The following KMT2A variants were observed in gnomAD, a reference collection of about 807,000 sequenced individuals.
KMT2A encodes the protein histone-lysine N-methyltransferase 2A.
KMT2A carries 16 observed loss-of-function variants against 345.3 expected under a neutral mutation model. The ratio of observed to expected loss-of-function variants is 0.05; its 90% CI spans 0.03 to 0.07. KMT2A has a LOEUF of 0.07. Among genes scored for constraint, KMT2A ranks in the 10% least tolerant of loss-of-function variants. KMT2A has a pLI of 1.00. For missense variants in KMT2A, 3,272 were observed against 4,841.6 expected, an observed-to-expected ratio of 0.68 and a Z score of 9.62; for synonymous variants, 1,599 against 1,778.6, an observed-to-expected ratio of 0.90 and a Z score of 2.54.
Position 118,522,257 on chromosome 11 carries a change from C to A in KMT2A, c.*85C>A. 6.8e-7 allele frequency: 1 copy of A among 1,479,792 alleles called. No homozygotes were observed. The highest frequency in any genetic ancestry group is 9.3e-7 in the Non-Finnish European group (1 of 1,078,302). The allele number at this position is 1,479,792 out of a possible 1,614,324, so 91.7% of individuals were successfully genotyped here. A position where few individuals can be genotyped will look rare whatever the true frequency, so the allele number is the denominator to read the frequency against. On this transcript the variant is annotated 3_prime_UTR_variant, in exon 36 of 36. Coordinates refer to ENST00000534358, the MANE Select transcript of KMT2A (RefSeq NM_001197104.2). This position sits in a 1 kb window ranked among gnomAD's most constrained non-coding sequence, Gnocchi z 5.4. ...GAAGGCCTTTTCCAGCAGCTGGGAG[C>A]TCCCGGATTGCGTGGCACAGCTGAG...
chr11:118,452,280 A>G (rs1315787194), intron 1 of KMT2A, among the ~76,000 whole-genome samples: 1 of 152,148 alleles, frequency 6.6e-6, no homozygotes, highest in Non-Finnish European at 1.5e-5. Context: ...TCACACCTGT[A>G]ATGCCAGCAC....
chr11:118,508,837 A>C (rs1950634703), intron 28 of KMT2A, among the ~76,000 whole-genome samples: 1 of 152,222 alleles, frequency 6.6e-6, no homozygotes, highest in Admixed American at 6.5e-5. Flanking sequence ...GCTTCTGACA[A>C]GTGTCCTTTC....
At chr11:118,455,217 A>G (rs1459094471) in intron 1 of KMT2A, among the ~76,000 whole-genome samples, 1 of 151,962 alleles carries the variant, frequency 6.6e-6, no homozygotes, top group Non-Finnish European at 1.5e-5. Context: ...TATTTGTTAT[A>G]TGTTTATTTT....
In KMT2A at chr11:118,473,089, C is replaced by T. The variant is rs868981857; in HGVS notation, c.1930C>T (p.Arg644Cys). The part of the protein sequence containing the change: ...SAKYAKEGLI[R>C]KPIFDNFRPP... ...AAAGTATGCCAAAGAAGGTCTTATT[C>T]GCAAACCAATATTTGATAATTTCCG... The change falls in exon 3 of 36, where the codon CGC becomes TGC. Residue 644 changes from arginine (R) to cysteine (C), a missense_variant. By Grantham distance (180) the Arg-to-Cys change is radical. This residue lies in a region of KMT2A where 114 missense variants were observed against 203.2 expected (regional missense o/e 0.56). Transcript: ENST00000534358. The surrounding 1 kb of genome is among the most constrained non-coding windows in gnomAD (Gnocchi z 5.2). The T allele has an allele frequency of 6.2e-7, 1 of 1,614,158 alleles. No homozygotes were observed. Among genetic ancestry groups the T allele is most frequent in the Non-Finnish European group, 8.5e-7 (1 of 1,180,032 alleles).
Position 118,522,270 on chromosome 11 carries a change from T to A in KMT2A, c.*98T>A. 7.5e-7 allele frequency: 1 copy of A among 1,325,030 alleles called. No individual in the cohort carries two copies. The highest frequency in any genetic ancestry group is 1.1e-6 in the Non-Finnish European group (1 of 947,364). 82.1% of individuals were successfully genotyped at this position (1,325,030 alleles called of 1,614,324 possible). A position where few individuals can be genotyped will look rare whatever the true frequency, so the allele number is the denominator to read the frequency against. On this transcript the variant is annotated 3_prime_UTR_variant, in exon 36 of 36. Transcript: ENST00000534358. This position sits in a 1 kb window ranked among gnomAD's most constrained non-coding sequence, Gnocchi z 5.4. ...AGCAGCTGGGAGCTCCCGGATTGCG[T>A]GGCACAGCTGAGGGGCCTCTGTGAT...
chr11:118,492,246 T>C (rs1950335622), intron 15 of KMT2A, among the ~76,000 whole-genome samples: 1 of 152,174 alleles, frequency 6.6e-6, no homozygotes, highest in Non-Finnish European at 1.5e-5. Context: ...TTGTTCTGAC[T>C]GAGTGGAGAG....
intron 10 of KMT2A, among the ~76,000 whole-genome samples, chr11:118,486,451 T>A (rs1950231567): frequency 6.6e-6 from 1 of 151,886 alleles, no homozygotes. Flanking sequence ...AGTAGCACAA[T>A]TTTAAATAGG....
At position 118,504,841 on chromosome 11, in the gene KMT2A, A is replaced by C; in HGVS notation, c.8949A>C (p.Gly2983=). Residue 2983 remains glycine (G), a synonymous_variant, in exon 27 of 36, where the codon GGA becomes GGC. Coordinates refer to ENST00000534358, the MANE Select transcript of KMT2A (RefSeq NM_001197104.2). The surrounding 1 kb of genome is among the most constrained non-coding windows in gnomAD (Gnocchi z 6.4). ...GTGACCCAGCACTGCTGAGCCCAGG[A>C]GTAGATCCAACTCCTGAAGGCCACA... The part of the protein sequence containing the change: ...SESDPALLSP[G]VDPTPEGHMT... 1 of 1,614,142 alleles carries C rather than the reference A, an allele frequency of 6.2e-7. No individual in the cohort carries two copies. The highest frequency in any genetic ancestry group is 1.3e-5 in the African/African-American group (1 of 75,030).
intron 4 of KMT2A, among the ~76,000 whole-genome samples, chr11:118,477,265 G>A (rs1259869295): frequency 2.0e-5 from 3 of 152,148 alleles, no homozygotes; most frequent in African/African-American, 7.2e-5. Context: ...CTGTGCAGGT[G>A]AGAAAGATTT....
chr11:118,441,882 A>G (rs543161921), intron 1 of KMT2A, among the ~76,000 whole-genome samples: 20 of 152,296 alleles, frequency 1.3e-4, no homozygotes, highest in African/African-American at 4.8e-4. Flanking sequence ...TCTTGACTTA[A>G]TTCTCATCTC....
At chr11:118,480,327 T>C in intron 6 of KMT2A, 89 bp downstream of exon 6, 10 of 972,956 alleles carry the variant, frequency 1.0e-5, no homozygotes, top group Non-Finnish European at 1.6e-5. Flanking sequence ...ATACTTTTTT[T>C]TTTAAAGTAC....
rs1020324542 is a variant in KMT2A, at chr11:118,459,670, A to T, written c.433-9105A>T. 1.2e-4 allele frequency among the ~76,000 whole-genome samples: 17 copies of T among 146,006 alleles called. No homozygotes were observed. The South Asian group carries it at 1.3e-3, about 11-fold the overall frequency. ...CTCTGACTATGGTATATTGAAAATA[A>T]TTTTTTTTTTTTTGAAATGGAGTCT... On this transcript the variant is annotated intron_variant, in intron 1 of 35. Transcript: ENST00000534358.
intron 28 of KMT2A, among the ~76,000 whole-genome samples, chr11:118,508,748 G>C (rs1266796897): frequency 1.3e-5 from 2 of 149,674 alleles, no homozygotes; most frequent in African/African-American, 2.4e-5. Context: ...GGTGAAAATT[G>C]ATTGTGGTTT....
chr11:118,455,805 C>T (rs1347915296), intron 1 of KMT2A, among the ~76,000 whole-genome samples: 5 of 151,964 alleles, frequency 3.3e-5, no homozygotes, highest in Admixed American at 2.6e-4. Flanking sequence ...TCTGGTGATC[C>T]TCCCATCTCA....
chr11:118,522,908 T>C lies in KMT2A; in HGVS notation c.*736T>C, dbSNP rs1017791734. 3 of 226,028 alleles carry C rather than the reference T, an allele frequency of 1.3e-5. No homozygotes were observed. Among genetic ancestry groups the C allele is most frequent in the African/African-American group, 2.2e-5 (1 of 44,884 alleles). 14.0% of individuals were successfully genotyped at this position (226,028 alleles called of 1,614,324 possible). On this transcript the variant is annotated 3_prime_UTR_variant, in exon 36 of 36. Coordinates refer to ENST00000534358, the MANE Select transcript of KMT2A (RefSeq NM_001197104.2). This position sits in a 1 kb window ranked among gnomAD's most constrained non-coding sequence, Gnocchi z 5.4. ...TTCACTCCCTTTTCTTCCTTTCCCC[T>C]GTCTTCATGCCACTGCTTTCCCATG...
chr11:118,525,668 T>C lies in KMT2A; in HGVS notation c.*3496T>C, dbSNP rs545499730. ...CACAAAAATAAAAAAAATATTCTAA[T>C]GAATGTATCTTTCTAAAGGACTGAC... On this transcript the variant is annotated 3_prime_UTR_variant, in exon 36 of 36. Coordinates refer to ENST00000534358, the MANE Select transcript of KMT2A (RefSeq NM_001197104.2). 2 of 228,794 alleles carry C rather than the reference T, an allele frequency of 8.7e-6. No homozygotes were observed. The highest frequency in any genetic ancestry group is 1.1e-4 in the Admixed American group (2 of 17,592). The allele number at this position is 228,794 out of a possible 1,614,324, so 14.2% of individuals were successfully genotyped here. A position where few individuals can be genotyped will look rare whatever the true frequency, so the allele number is the denominator to read the frequency against.
chr11:118,460,205 G>GGAGATAT (rs2134226077), intron 1 of KMT2A, among the ~76,000 whole-genome samples: 1 of 152,278 alleles, frequency 6.6e-6, no homozygotes, highest in African/African-American at 2.4e-5. Context: ...ACTGAGGAAT[G>GGAGATAT]GAGATATACA....
chr11:118,500,503 G>A (rs1950483491), intron 24 of KMT2A, among the ~76,000 whole-genome samples: 1 of 152,078 alleles, frequency 6.6e-6, no homozygotes, highest in African/African-American at 2.4e-5. Flanking sequence ...CATTTAGCTG[G>A]CAGCTTTTCA....
At chr11:118,479,324 A>G (rs1199317953) in intron 5 of KMT2A, among the ~76,000 whole-genome samples, 7 of 152,192 alleles carry the variant, frequency 4.6e-5, no homozygotes, top group African/African-American at 1.7e-4. Flanking sequence ...GCCATCTGGC[A>G]TACTTTATTT....
Sources: gnomAD v4.1 joint callset for allele counts (sites outside exome capture counted in the v4.1 genomes callset) on GRCh38, gnomAD v4.1.1 for gene constraint, gnomAD v4.1.1 regional missense constraint, Gnocchi (gnomAD v3.1) non-coding constraint, MANE v1.5 for transcripts, NCBI Gene and HGNC (gene_info 2026-07-23, HGNC 2026-07-21) for gene names.